Variants in PTPRT observed in about 807,000 individuals in gnomAD.
PTPRT encodes the protein protein tyrosine phosphatase receptor type T, also known as receptor-type tyrosine-protein phosphatase T.
PTPRT carries 56 observed loss-of-function variants against 176.8 expected under a neutral mutation model. The ratio of observed to expected loss-of-function variants is 0.32; its 90% CI spans 0.26 to 0.40. PTPRT has a LOEUF of 0.40. Ranked by LOEUF, PTPRT falls within the 10% of genes least tolerant of loss-of-function variation. The pLI is 1.00. For synonymous variants in PTPRT, 783 were observed against 739.0 expected (o/e 1.06, Z -0.96); for missense variants, 1,540 against 1,908.2 (o/e 0.81, Z 3.60).
At position 42,670,768 on chromosome 20, in the gene PTPRT, T is replaced by A. The variant is rs935088388; in HGVS notation, c.1153+7098A>T. On this transcript the variant is annotated intron_variant, in intron 7 of 30. Transcript: ENST00000373187. Reference sequence around the variant, plus strand: ...GGGGGACGGGCTAAGATTACGTGACTTGCTGGATTGTTGATTTGTGATTCT... The same window carrying A: ...GGGGGACGGGCTAAGATTACGTGACATGCTGGATTGTTGATTTGTGATTCT... Among the ~76,000 whole-genome samples the A allele has an allele frequency of 3.4e-4, 52 of 152,174 alleles. 1 individual carries two copies. The highest frequency in any genetic ancestry group is 7.4e-5 in the Non-Finnish European group (5 of 68,020).
chr20:42,749,427 TACACCTTTAGCTC>T lies in PTPRT; in HGVS notation c.859+7022_859+7034del, dbSNP rs530463714. Among the ~76,000 whole-genome samples the T allele has an allele frequency of 5.5e-3, 840 of 152,314 alleles. 4 individuals carry two copies. Among genetic ancestry groups the T allele is most frequent in the Middle Eastern group, 0.031 (9 of 294 alleles). On this transcript the variant is annotated intron_variant, in intron 6 of 30. Coordinates refer to ENST00000373187, the MANE Select transcript of PTPRT (RefSeq NM_007050.6). ...ACTGCGCTCATTGTTCCAACCTCTG[TACACCTTTAGCTC>T]ACACCTGAATGCAGGGTCTACCATA...
At chr20:43,100,259 C>A (rs1343207479) in intron 1 of PTPRT, among the ~76,000 whole-genome samples, 7 of 152,106 alleles carry the variant, frequency 4.6e-5, no homozygotes, top group Admixed American at 1.3e-4. Flanking sequence ...CGCCTGTAAT[C>A]CCCGCTACTC....
Position 43,189,759 on chromosome 20 carries a change from C to T in PTPRT, c.-26G>A. 2 of 1,164,680 alleles carry T rather than the reference C, an allele frequency of 1.7e-6. No homozygotes were observed. Among genetic ancestry groups the T allele is most frequent in the Middle Eastern group, 3.5e-4 (1 of 2,850 alleles). 72.1% of individuals were successfully genotyped at this position (1,164,680 alleles called of 1,614,324 possible). ...CCGGGCGGCGGCGGGCAGCTCAGCC[C>T]CTTCCCGCGGGGGCCGGGGCCGGGA... On this transcript the variant is annotated 5_prime_UTR_variant, in exon 1 of 31. Transcript: ENST00000373187. This position sits in a 1 kb window ranked among gnomAD's most constrained non-coding sequence, Gnocchi z 5.0.
chr20:43,030,322 A>T (rs916805536), intron 1 of PTPRT, among the ~76,000 whole-genome samples: 1 of 152,212 alleles, frequency 6.6e-6, no homozygotes, highest in Non-Finnish European at 1.5e-5. Context: ...TGTCTTCTCT[A>T]TCAGGAGTTG....
intron 2 of PTPRT, among the ~76,000 whole-genome samples, chr20:42,883,859 C>CA (rs1171122460): frequency 1.7e-4 from 19 of 113,316 alleles, no homozygotes; most frequent in Admixed American, 3.5e-4. Context: ...CACACACCCC[C>CA]ATAGACATGC....
At chr20:42,599,969 T>A (rs1045009212) in intron 7 of PTPRT, among the ~76,000 whole-genome samples, 1 of 152,110 alleles carries the variant, frequency 6.6e-6, no homozygotes, top group African/African-American at 2.4e-5. Context: ...GCTTACTACA[T>A]CACTCTTTGT....
At position 42,565,524 on chromosome 20, in the gene PTPRT, A is replaced by T. The variant is rs76558709; in HGVS notation, c.1154-92962T>A. Among the ~76,000 whole-genome samples, 467 of 152,104 alleles carry T rather than the reference A, an allele frequency of 3.1e-3. 3 individuals are homozygous for T. The highest frequency in any genetic ancestry group is 0.011 in the African/African-American group (449 of 41,502). On this transcript the variant is annotated intron_variant, in intron 7 of 30. Transcript: ENST00000373187. ...CAGCCCAGAGCCTGGTGGGAAAAGC[A>T]AATCAATGAGGGCCCTTAGAGGATC...
intron 9 of PTPRT, among the ~76,000 whole-genome samples, chr20:42,385,562 T>C (rs374458761): frequency 6.6e-6 from 1 of 152,230 alleles, no homozygotes; most frequent in African/African-American, 2.4e-5. Context: ...CATAGTACTG[T>C]GTTTCACAGT....
At chr20:42,791,504 G>A in intron 2 of PTPRT, 38 bp from the exon 3 acceptor site, 5 of 1,558,570 alleles carry the variant, frequency 3.2e-6, no homozygotes, top group Non-Finnish European at 4.4e-6. Context: ...TAGAGACAAA[G>A]AGAAAGTAAG....
chr20:42,227,710 C>T lies in PTPRT; in HGVS notation c.2342+8519G>A, dbSNP rs2056050407. 4.8e-5 allele frequency among the ~76,000 whole-genome samples: 7 copies of T among 146,964 alleles called. No homozygotes were observed. In the South Asian group the frequency reaches 1.1e-3, roughly 23 times the overall value. ...GCAATCTCCGCCTCCTGTATTCAAG[C>T]GATTCTCCTGCCTCAGCCTCCCAAG... On this transcript the variant is annotated intron_variant, in intron 15 of 30. Transcript: ENST00000373187.
chr20:43,134,706 T>C (rs1338957293), intron 1 of PTPRT, among the ~76,000 whole-genome samples: 1 of 152,228 alleles, frequency 6.6e-6, no homozygotes, highest in African/African-American at 2.4e-5. Context: ...TTTTCTTCTT[T>C]AACAGGGCTG....
chr20:43,066,036 A>C (rs569401374), intron 1 of PTPRT, among the ~76,000 whole-genome samples: 11 of 152,304 alleles, frequency 7.2e-5, no homozygotes, highest in African/African-American at 2.2e-4. Context: ...GCCTTAAAAA[A>C]AATAGCTACC....
intron 4 of PTPRT, among the ~76,000 whole-genome samples, chr20:42,777,048 GTC>G (rs2077147604): frequency 6.6e-6 from 1 of 152,080 alleles, no homozygotes; most frequent in Admixed American, 6.6e-5. Flanking sequence ...ATGAATGGAT[GTC>G]TCTCAGTCAC....
intron 7 of PTPRT, among the ~76,000 whole-genome samples, chr20:42,480,360 C>G (rs1356763768): frequency 2.6e-5 from 4 of 152,178 alleles, no homozygotes; most frequent in African/African-American, 9.7e-5. Context: ...GCCACTGAGA[C>G]AAACAGGGGT....
At chr20:42,715,907 C>T (rs2076215909) in intron 6 of PTPRT, among the ~76,000 whole-genome samples, 1 of 152,188 alleles carries the variant, frequency 6.6e-6, no homozygotes, top group South Asian at 2.1e-4. Context: ...TTAAAACAAT[C>T]TTGATTAAAA....
chr20:42,350,230 T>TGTTGTTTTG (rs1568799527), intron 11 of PTPRT, among the ~76,000 whole-genome samples: 1 of 78,612 alleles, frequency 1.3e-5, no homozygotes, highest in Non-Finnish European at 2.7e-5. Flanking sequence ...TTTTTTTTTT[T>TGTTGTTTTG]TTTTTTTTTT....
intron 1 of PTPRT, among the ~76,000 whole-genome samples, chr20:42,938,792 T>G (rs1364299013): frequency 6.6e-6 from 1 of 152,202 alleles, no homozygotes; most frequent in Non-Finnish European, 1.5e-5. Context: ...GTTCTCTCTC[T>G]CAATAGTTCC....
At chr20:43,125,356 A>G (rs2013402345) in intron 1 of PTPRT, among the ~76,000 whole-genome samples, 1 of 151,990 alleles carries the variant, frequency 6.6e-6, no homozygotes, top group Non-Finnish European at 1.5e-5. Context: ...TCTTTCTACC[A>G]CCCACACTGA....
At chr20:43,160,920 A>T (rs1321303266) in intron 1 of PTPRT, among the ~76,000 whole-genome samples, 2 of 65,818 alleles carry the variant, frequency 3.0e-5, no homozygotes, top group African/African-American at 1.2e-4. Flanking sequence ...AATTTTCTTT[A>T]AAAAAAAAAA....
Sources: gnomAD v4.1 joint callset for allele counts (sites outside exome capture counted in the v4.1 genomes callset) on GRCh38, gnomAD v4.1.1 for gene constraint, Gnocchi (gnomAD v3.1) non-coding constraint, MANE v1.5 for transcripts, NCBI Gene and HGNC (gene_info 2026-07-23, HGNC 2026-07-21) for gene names.